CCDC7: variants seen among roughly 807,000 people sequenced by gnomAD.
CCDC7 encodes the protein coiled-coil domain containing 7.
In CCDC7, 183 loss-of-function variants were observed where a neutral mutation model predicts 196.9. The observed-to-expected ratio is 0.93, with a 90% CI of 0.82 to 1.05. CCDC7 has a LOEUF of 1.05. Ranked by LOEUF, CCDC7 falls within the 50% of genes least tolerant of loss-of-function variation. CCDC7 has a pLI of 0.00. For synonymous variants in CCDC7, 525 were observed against 484.6 expected (o/e 1.08, Z -1.10); for missense variants, 1,540 against 1,482.2 (o/e 1.04, Z -0.64).
intron 5 of CCDC7, among the ~76,000 whole-genome samples, chr10:32,468,007 G>A (rs1238867414): frequency 6.6e-6 from 1 of 152,178 alleles, no homozygotes; most frequent in Non-Finnish European, 1.5e-5. Flanking sequence ...ATAGTTTGAA[G>A]TCGGGTAGTG....
intron 32 of CCDC7, among the ~76,000 whole-genome samples, chr10:32,830,121 G>GAT: frequency 0.39 from 19,677 of 50,650 alleles, 6,610 homozygotes; most frequent in Middle Eastern, 0.67. Flanking sequence ...TATATATAAG[G>GAT]ATATATATAT....
chr10:32,544,273 A>G, exon 13 of CCDC7: 1 of 1,609,106 alleles, frequency 6.2e-7, no homozygotes, highest in Non-Finnish European at 8.5e-7. Context: ...AAAGAGTTTA[A>G]AATAAAAGAA....
intron 18 of CCDC7, among the ~76,000 whole-genome samples, chr10:32,616,351 T>C (rs889556245): frequency 2.0e-5 from 3 of 152,002 alleles, no homozygotes; most frequent in Non-Finnish European, 4.4e-5. Context: ...TGTGTTATAG[T>C]TCTCCTTATA....
At chr10:32,516,490 G>A (rs2047057204) in intron 9 of CCDC7, among the ~76,000 whole-genome samples, 2 of 152,078 alleles carry the variant, frequency 1.3e-5, no homozygotes. Flanking sequence ...GTTTCACCAT[G>A]TTGGCCAGGC....
At position 32,506,877 on chromosome 10, in the gene CCDC7, C is replaced by T. The variant is rs990925860; in HGVS notation, c.873-11068C>T. Reference sequence around the variant, plus strand: ...GAAAGGGGAGAGGGAGAGGGAGAGGCGACCCCTTTATAATTATATAACGAC... The same window carrying T: ...GAAAGGGGAGAGGGAGAGGGAGAGGTGACCCCTTTATAATTATATAACGAC... On this transcript the variant is annotated intron_variant, in intron 9 of 41. Transcript: ENST00000639629. Among the ~76,000 whole-genome samples the T allele has an allele frequency of 6.5e-4, 96 of 148,718 alleles. 1 individual carries two copies. The Middle Eastern group carries it at 0.014, about 22-fold the overall frequency.
Position 32,595,929 on chromosome 10 carries a change from C to A in CCDC7, c.1801+11625C>A, listed in dbSNP as rs189004960. 2.6e-3 allele frequency among the ~76,000 whole-genome samples: 402 copies of A among 152,244 alleles called. 1 individual carries two copies. Among genetic ancestry groups the A allele is most frequent in the Non-Finnish European group, 4.8e-3 (325 of 68,014 alleles). On this transcript the variant is annotated intron_variant, in intron 18 of 41. Transcript: ENST00000639629. ...GAGACAATTTGTTATAATTTCTGTT[C>A]TTTTACATTTGCTGAGGAGTGCTTT...
At chr10:32,770,163 G>C (rs1323298994) in intron 28 of CCDC7, among the ~76,000 whole-genome samples, 1 of 151,906 alleles carries the variant, frequency 6.6e-6, no homozygotes, top group African/African-American at 2.4e-5. Context: ...GCTAGTTTTG[G>C]GTTTGGTTTG....
chr10:32,624,752 G>T (rs906270808), intron 18 of CCDC7, among the ~76,000 whole-genome samples: 1 of 152,070 alleles, frequency 6.6e-6, no homozygotes, highest in African/African-American at 2.4e-5. Flanking sequence ...CTGGGTGTGT[G>T]TGTGTGTTGA....
At chr10:32,574,648 A>G in intron 16 of CCDC7, 1 of 418,704 alleles carries the variant, frequency 2.4e-6, no homozygotes, top group Non-Finnish European at 3.8e-6. Flanking sequence ...TTATTGTTTC[A>G]CATCATGTGC....
intron 18 of CCDC7, among the ~76,000 whole-genome samples, chr10:32,596,201 T>C (rs2060334117): frequency 6.6e-6 from 1 of 152,230 alleles, no homozygotes; most frequent in Non-Finnish European, 1.5e-5. Flanking sequence ...GGACTTGCTT[T>C]ATGAATCTGG....
intron 31 of CCDC7, 112 bp downstream of exon 32, chr10:32,814,565 AAAAGT>A: frequency 1.5e-6 from 1 of 689,150 alleles, no homozygotes; most frequent in Non-Finnish European, 2.5e-6. Flanking sequence ...TTACATAGGC[AAAAGT>A]CTTTATGAAT....
intron 24 of CCDC7, among the ~76,000 whole-genome samples, chr10:32,702,280 T>G (rs115786397): frequency 0.053 from 8,051 of 152,174 alleles, 704 homozygotes; most frequent in African/African-American, 0.18. Context: ...GTTGTGTACC[T>G]AGTAGTCATT....
rs577715660 is a variant in CCDC7, at chr10:32,557,272, C to CT, written c.1135-8275dup. Among the ~76,000 whole-genome samples, 1,266 of 142,130 alleles carry CT rather than the reference C, an allele frequency of 8.9e-3. 25 individuals are homozygous for CT. Among genetic ancestry groups the CT allele is most frequent in the African/African-American group, 0.029 (1,136 of 39,220 alleles). 93.2% of individuals were successfully genotyped at this position (142,130 alleles called of 152,430 possible). A position where few individuals can be genotyped will look rare whatever the true frequency, so the allele number is the denominator to read the frequency against. ...CATTTTTCTTTGGCCACTTTTATTG[C>CT]TTTTTTTTTTTCCTTTTATTTGGTT... On this transcript the variant is annotated intron_variant, in intron 13 of 41. Coordinates refer to ENST00000639629, the Ensembl canonical transcript of CCDC7.
rs150311962 is a variant in CCDC7, at chr10:32,803,698, A to G, written c.3014-1317A>G. 2.3e-4 allele frequency among the ~76,000 whole-genome samples: 35 copies of G among 152,254 alleles called. No homozygotes were observed. In the East Asian group the frequency reaches 6.6e-3, roughly 29 times the overall value. On this transcript the variant is annotated intron_variant, in intron 29 of 41. Transcript: ENST00000639629. ...TTTTTGTTATCAATTCTGTCTGTCT[A>G]TATCTTTTAATTCAGGAATTTAAAC...
intron 39 of CCDC7, among the ~76,000 whole-genome samples, chr10:32,850,098 C>G (rs1284392983): frequency 1.3e-5 from 2 of 152,108 alleles, no homozygotes; most frequent in Non-Finnish European, 2.9e-5. Flanking sequence ...ATGTTCTTCA[C>G]AGAAACTGAA....
chr10:32,731,924 G>A (rs527307243), intron 28 of CCDC7, among the ~76,000 whole-genome samples: 45 of 152,080 alleles, frequency 3.0e-4, no homozygotes, highest in Non-Finnish European at 5.4e-4. Flanking sequence ...ATGGTGGCAC[G>A]CGCCTGTAGT....
At chr10:32,800,032 T>C (rs997128378) in intron 29 of CCDC7, among the ~76,000 whole-genome samples, 1 of 152,292 alleles carries the variant, frequency 6.6e-6, no homozygotes, top group African/African-American at 2.4e-5. Context: ...GGAGATGTGT[T>C]AATTTGCTCA....
intron 31 of CCDC7, among the ~76,000 whole-genome samples, chr10:32,816,744 A>T (rs540951510): frequency 6.6e-6 from 1 of 152,196 alleles, no homozygotes; most frequent in African/African-American, 2.4e-5. Context: ...GTAGACCTCC[A>T]GCAAACTCCA....
At chr10:32,872,868 C>G (rs2094477803) in intron 41 of CCDC7, among the ~76,000 whole-genome samples, 1 of 152,090 alleles carries the variant, frequency 6.6e-6, no homozygotes, top group Non-Finnish European at 1.5e-5. Context: ...ATATTGGCCC[C>G]CACTCTCTTC....
Sources: allele counts gnomAD v4.1 joint callset (sites outside exome capture counted in the v4.1 genomes callset), GRCh38; gene constraint gnomAD v4.1.1; transcripts MANE v1.5; gene names NCBI Gene and HGNC (gene_info 2026-07-23, HGNC 2026-07-21).